Variants in RDH14 observed in about 807,000 individuals in gnomAD.
RDH14 encodes the protein alcohol dehydrogenase PAN2.
A neutral mutation model predicts 19.3 loss-of-function variants in RDH14; 17 were observed. The observed-to-expected ratio is 0.88, with a 90% CI of 0.60 to 1.32. The LOEUF is 1.32. Ranked by LOEUF, RDH14 falls within the 40% of genes most tolerant of loss-of-function variation. The pLI, the probability that RDH14 is intolerant of heterozygous loss-of-function variation, is 0.00. For synonymous variants in RDH14, 215 were observed against 188.9 expected (o/e 1.14, Z -1.13); for missense variants, 534 against 449.2 (o/e 1.19, Z -1.71).
Position 18,560,576 on chromosome 2 carries a change from C to T in RDH14, c.-4G>A. 2.8e-6 allele frequency: 4 copies of T among 1,453,028 alleles called. No individual in the cohort carries two copies. Among genetic ancestry groups the T allele is most frequent in the Non-Finnish European group, 3.6e-6 (4 of 1,114,188 alleles). The allele number at this position is 1,453,028 out of a possible 1,614,324, so 90.0% of individuals were successfully genotyped here. ...CCGCCGCAGTGGCCACTGCCATCGTCAGGCCCGAGGGCCCACCGGCCCCTC... is the reference window on the plus strand; with the variant it reads ...CCGCCGCAGTGGCCACTGCCATCGTTAGGCCCGAGGGCCCACCGGCCCCTC... On this transcript the variant is annotated 5_prime_UTR_variant, in exon 1 of 2. Transcript: ENST00000381249.
At position 18,560,420 on chromosome 2, in the gene RDH14, C is replaced by G; in HGVS notation, c.153G>C (p.Ala51=). The change falls in exon 1 of 2, where the codon GCG becomes GCC. Residue 51 remains alanine (A), a synonymous_variant. Transcript: ENST00000381249. ...CCGTGGCGCGGCCCAGGCCGCTGTT[C>G]GCCCCGGTGATCAGCACAGTCTTCC... The part of the protein sequence containing the change: ...MHGKTVLITG[A]NSGLGRATAA... 6.7e-7 allele frequency: 1 copy of G among 1,502,300 alleles called. No individual in the cohort carries two copies. Among genetic ancestry groups the G allele is most frequent in the Non-Finnish European group, 8.8e-7 (1 of 1,134,626 alleles). The allele number at this position is 1,502,300 out of a possible 1,614,324, so 93.1% of individuals were successfully genotyped here.
chr2:18,556,165 T>C (rs1663912456), intron 1 of RDH14, among the ~76,000 whole-genome samples: 1 of 152,230 alleles, frequency 6.6e-6, no homozygotes, highest in Non-Finnish European at 1.5e-5. Flanking sequence ...TTTCTGGTTT[T>C]ATGCTTTTAT....
At position 18,560,234 on chromosome 2, in the gene RDH14, C is replaced by G; in HGVS notation, c.339G>C (p.Glu113Asp). The change falls in exon 1 of 2, where the codon GAG (glutamate) becomes GAC (aspartate). Residue 113 changes from glutamate to aspartate, a missense_variant. Physicochemically the swap from Glu to Asp is conservative, Grantham distance 45. Coordinates refer to ENST00000381249, the MANE Select transcript of RDH14 (RefSeq NM_020905.4). ...VSGVGELIVR[E>D]LDLASLRSVR... ...CCGAGCGCAGCGAGGCGAGGTCCAGCTCCCGGACTATGAGCTCGCCCACCC... is the reference window on the plus strand; with the variant it reads ...CCGAGCGCAGCGAGGCGAGGTCCAGGTCCCGGACTATGAGCTCGCCCACCC... The G allele has an allele frequency of 6.6e-7, 1 of 1,526,220 alleles. No homozygotes were observed. The highest frequency in any genetic ancestry group is 8.7e-7 in the Non-Finnish European group (1 of 1,143,218). 94.5% of individuals were successfully genotyped at this position (1,526,220 alleles called of 1,614,324 possible).
Position 18,560,524 on chromosome 2 carries a change from G to T in RDH14, c.49C>A (p.Leu17Met), listed in dbSNP as rs1216605491. 20 of 1,509,984 alleles carry T rather than the reference G, an allele frequency of 1.3e-5. No homozygotes were observed. Among genetic ancestry groups the T allele is most frequent in the Non-Finnish European group, 1.7e-5 (19 of 1,137,420 alleles). 93.5% of individuals were successfully genotyped at this position (1,509,984 alleles called of 1,614,324 possible). Residue 17 changes from leucine (L) to methionine (M), a missense_variant, in exon 1 of 2, where the codon CTG becomes ATG. Leu to Met is a conservative substitution (Grantham distance 15, BLOSUM62 2). Transcript: ENST00000381249. ...ACGAACCGGCGGGCCGCCAGCCACA[G>T]CGCCCCGCCCAGAGCGGCCAGTACT... ...AAVLAALGGA[L>M]WLAARRFVGP...
Position 18,555,582 on chromosome 2 carries a change from C to G in RDH14, c.620G>C (p.Ser207Thr). ...AAAGCTTTTATTATAGCTTTGTTCA[C>G]TGTTCAAGTCATCAAAATTGATGTC... ...YGDINFDDLNSEQSYNKSFCY... is the reference protein window; with the variant it reads ...YGDINFDDLNTEQSYNKSFCY... Residue 207 changes from serine to threonine, a missense_variant, in exon 2 of 2, where the codon AGT becomes ACT. By Grantham distance (58) the Ser-to-Thr change is moderately conservative (BLOSUM62 1). Transcript: ENST00000381249. 6.2e-7 allele frequency: 1 copy of G among 1,614,110 alleles called. No individual in the cohort carries two copies. Among genetic ancestry groups the G allele is most frequent in the Non-Finnish European group, 8.5e-7 (1 of 1,179,982 alleles).
chr2:18,560,214 C>A lies in RDH14; in HGVS notation c.359G>T (p.Arg120Leu), dbSNP rs1254903262. ...TTCCTGGCAGAAGGCGCGCACCGAG[C>A]GCAGCGAGGCGAGGTCCAGCTCCCG... Reference protein sequence around the residue: ...IVRELDLASLRSVRAFCQEML... With the variant: ...IVRELDLASLLSVRAFCQEML... Residue 120 changes from arginine to leucine, a missense_variant, in exon 1 of 2, where the codon CGC (arginine) becomes CTC (leucine). Coordinates refer to ENST00000381249, the MANE Select transcript of RDH14 (RefSeq NM_020905.4). The A allele has an allele frequency of 6.5e-7, 1 of 1,527,668 alleles. No homozygotes were observed. Among genetic ancestry groups the A allele is most frequent in the South Asian group, 1.2e-5 (1 of 83,892 alleles). The allele number at this position is 1,527,668 out of a possible 1,614,324, so 94.6% of individuals were successfully genotyped here.
Position 18,554,850 on chromosome 2 carries a change from T to C in RDH14, c.*341A>G, listed in dbSNP as rs889134222. 2 of 199,510 alleles carry C rather than the reference T, an allele frequency of 1.0e-5. No individual in the cohort carries two copies. Among genetic ancestry groups the C allele is most frequent in the East Asian group, 1.2e-4 (1 of 8,344 alleles). The allele number at this position is 199,510 out of a possible 1,614,324, so 12.4% of individuals were successfully genotyped here. A position where few individuals can be genotyped will look rare whatever the true frequency, so the allele number is the denominator to read the frequency against. ...ACACTTTGGCCATGAAACTCAAAGATACTTGAAAAACCTCTCGATAGCACT... is the reference window on the plus strand; with the variant it reads ...ACACTTTGGCCATGAAACTCAAAGACACTTGAAAAACCTCTCGATAGCACT... On this transcript the variant is annotated 3_prime_UTR_variant, in exon 2 of 2. Coordinates refer to ENST00000381249, the MANE Select transcript of RDH14 (RefSeq NM_020905.4).
In RDH14 at chr2:18,560,628, A is replaced by G. The variant is rs2148057699; in HGVS notation, c.-56T>C. ...ACGGGAGTTCCGCAGCCGCCGCCTTACCGGAACCCAAGAGACCACCTGTAC... is the reference window on the plus strand; with the variant it reads ...ACGGGAGTTCCGCAGCCGCCGCCTTGCCGGAACCCAAGAGACCACCTGTAC... On this transcript the variant is annotated 5_prime_UTR_variant, in exon 1 of 2. Transcript: ENST00000381249. 7.2e-7 allele frequency: 1 copy of G among 1,379,786 alleles called. No homozygotes were observed. Among genetic ancestry groups the G allele is most frequent in the Non-Finnish European group, 9.3e-7 (1 of 1,076,484 alleles). 85.5% of individuals were successfully genotyped at this position (1,379,786 alleles called of 1,614,324 possible). A position where few individuals can be genotyped will look rare whatever the true frequency, so the allele number is the denominator to read the frequency against.
Position 18,559,158 on chromosome 2 carries a change from C to G in RDH14, c.393+1022G>C, listed in dbSNP as rs189325504. 1.8e-3 allele frequency among the ~76,000 whole-genome samples: 273 copies of G among 152,320 alleles called. 2 individuals carry two copies. The highest frequency in any genetic ancestry group is 6.4e-3 in the African/African-American group (268 of 41,578). ...AAGAGACTCTACGTCATATAGGCAC[C>G]TTTCTTGTCCCAGCTAATTTTAAAT... On this transcript the variant is annotated intron_variant, in intron 1 of 1. Transcript: ENST00000381249.
intron 1 of RDH14, among the ~76,000 whole-genome samples, chr2:18,559,251 T>C (rs1664011699): frequency 6.6e-6 from 1 of 152,274 alleles, no homozygotes; most frequent in South Asian, 2.1e-4. Context: ...TACCTCAATC[T>C]CAACGGAGAA....
rs766576609 is a variant in RDH14 at position 18,555,557 on chromosome 2, A to C, written c.645T>G (p.Phe215Leu). The change falls in exon 2 of 2, where the codon TTT (phenylalanine) becomes TTG (leucine). Residue 215 changes from phenylalanine (F) to leucine (L), a missense_variant. Transcript: ENST00000381249. The stretch of plus-strand genomic sequence containing the variant: ...TAGCCAGTTTGCTCCGGCTATAACA[A>C]AAGCTTTTATTATAGCTTTGTTCAC... ...LNSEQSYNKS[F>L]CYSRSKLANI... 1.2e-6 allele frequency: 2 copies of C among 1,614,166 alleles called. No homozygotes were observed. Among genetic ancestry groups the C allele is most frequent in the South Asian group, 2.2e-5 (2 of 91,084 alleles).
At chr2:18,557,225 C>CA (rs1663946895) in intron 1 of RDH14, among the ~76,000 whole-genome samples, 1 of 152,176 alleles carries the variant, frequency 6.6e-6, no homozygotes, top group East Asian at 1.9e-4. Flanking sequence ...CAAAGAAATG[C>CA]ACATGTTCCA....
At position 18,555,685 on chromosome 2, in the gene RDH14, T is replaced by C. The variant is rs1663894154; in HGVS notation, c.517A>G (p.Asn173Asp). Residue 173 changes from asparagine (N) to aspartate (D), a missense_variant, in exon 2 of 2, where the codon AAT (asparagine) becomes GAT (aspartate). By Grantham distance (23) the Asn-to-Asp change is conservative. Transcript: ENST00000381249. ...CTTTTGAGGAGTCCAAGGAGAAGAT[T>C]GGTGAGTAGAAAGTGCCCCAGATGG... ...VNHLGHFLLT[N>D]LLLGLLKSSA... The C allele has an allele frequency of 6.2e-7, 1 of 1,614,064 alleles. No homozygotes were observed. The highest frequency in any genetic ancestry group is 8.5e-7 in the Non-Finnish European group (1 of 1,179,952).
intron 1 of RDH14, among the ~76,000 whole-genome samples, chr2:18,559,733 G>A (rs1037910675): frequency 1.6e-4 from 25 of 152,072 alleles, no homozygotes; most frequent in Non-Finnish European, 3.2e-4. Flanking sequence ...GCCGGGGGAA[G>A]GAGAACTTTT....
In RDH14 at chr2:18,555,756, G is replaced by C. The variant is rs778517252; in HGVS notation, c.446C>G (p.Pro149Arg). 4 of 1,613,756 alleles carry C rather than the reference G, an allele frequency of 2.5e-6. No homozygotes were observed. The highest frequency in any genetic ancestry group is 1.3e-5 in the African/African-American group (1 of 74,908). ...AAACCCATCTTCAGTCTTCATGTAA[G>C]GGCACTGGAAGATCCCTGCGTTATT... ...LINNAGIFQC[P>R]YMKTEDGFEM... The change falls in exon 2 of 2, where the codon CCT becomes CGT. Residue 149 changes from proline (P) to arginine (R), a missense_variant. By Grantham distance (103) the Pro-to-Arg change is moderately radical (BLOSUM62 -2). Coordinates refer to ENST00000381249, the MANE Select transcript of RDH14 (RefSeq NM_020905.4).
In RDH14 at chr2:18,555,702, C is replaced by T; in HGVS notation, c.500G>A (p.Gly167Glu). The change falls in exon 2 of 2, where the codon GGG (glycine) becomes GAG (glutamate). Residue 167 changes from glycine to glutamate, a missense_variant. Coordinates refer to ENST00000381249, the MANE Select transcript of RDH14 (RefSeq NM_020905.4). Reference protein sequence around the residue: ...FEMQFGVNHLGHFLLTNLLLG... With the variant: ...FEMQFGVNHLEHFLLTNLLLG... ...GAGAAGATTGGTGAGTAGAAAGTGC[C>T]CCAGATGGTTCACTCCGAACTGCAT... 1 of 1,614,030 alleles carries T rather than the reference C, an allele frequency of 6.2e-7. No individual in the cohort carries two copies. The highest frequency in any genetic ancestry group is 8.5e-7 in the Non-Finnish European group (1 of 1,179,954).
chr2:18,559,751 G>A (rs994678258), intron 1 of RDH14, among the ~76,000 whole-genome samples: 6 of 152,050 alleles, frequency 3.9e-5, no homozygotes, highest in Admixed American at 3.3e-4. Context: ...TTTTTTAAAG[G>A]ACTGATATGA....
At chr2:18,557,045 TAGG>T (rs1663941816) in intron 1 of RDH14, among the ~76,000 whole-genome samples, 1 of 152,222 alleles carries the variant, frequency 6.6e-6, no homozygotes, top group Non-Finnish European at 1.5e-5. Context: ...AAGGGGACTC[TAGG>T]AGATCTGTAC....
In RDH14 at chr2:18,560,490, C is replaced by A; in HGVS notation, c.83G>T (p.Arg28Met). Residue 28 changes from arginine to methionine, a missense_variant, in exon 1 of 2, where the codon AGG (arginine) becomes ATG (methionine). Physicochemically the swap from Arg to Met is moderately conservative, Grantham distance 91 (BLOSUM62 -1). Transcript: ENST00000381249. ...CCCGCCTCTGCGCAGCCGCTGGACC[C>A]TGGGCCCCACGAACCGGCGGGCCGC... is the stretch of plus-strand genomic sequence containing the variant. ...WLAARRFVGP[R>M]VQRLRRGGDP... 6.6e-7 allele frequency: 1 copy of A among 1,514,714 alleles called. No homozygotes were observed. Among genetic ancestry groups the A allele is most frequent in the South Asian group, 1.2e-5 (1 of 82,354 alleles). The allele number at this position is 1,514,714 out of a possible 1,614,324, so 93.8% of individuals were successfully genotyped here.
Sources: gnomAD v4.1 joint callset for allele counts (sites outside exome capture counted in the v4.1 genomes callset) on GRCh38, gnomAD v4.1.1 for gene constraint, MANE v1.5 for transcripts, NCBI Gene and HGNC (gene_info 2026-07-23, HGNC 2026-07-21) for gene names.